SHLD1: variants seen among roughly 807,000 people sequenced by gnomAD.
The protein encoded by SHLD1 is RINN1-REV7-interacting novel NHEJ regulator 3.
SHLD1 carries 3 observed loss-of-function variants against 5.5 expected under a neutral mutation model. The ratio of observed to expected loss-of-function variants is 0.54; its 90% CI spans 0.25 to 1.40. The LOEUF (loss-of-function observed/expected upper bound fraction) is 1.40. Among genes scored for constraint, SHLD1 ranks in the 40% most tolerant of loss-of-function variants. SHLD1 has a pLI of 0.15. For missense variants in SHLD1, 210 were observed against 244.4 expected (o/e 0.86, Z 0.94); for synonymous variants, 92 against 94.3 (o/e 0.98, Z 0.14).
chr20:5,863,491 A>C lies in SHLD1; in HGVS notation c.*28A>C, dbSNP rs1279522292. ...GGTGCCGGGCAGTGTGCAGGGTAGTAATGGAGGTGCTGTGCCATGACCAGC... is the reference window on the plus strand; with the variant it reads ...GGTGCCGGGCAGTGTGCAGGGTAGTCATGGAGGTGCTGTGCCATGACCAGC... On this transcript the variant is annotated 3_prime_UTR_variant, in exon 3 of 3. Coordinates refer to ENST00000303142, the MANE Select transcript of SHLD1 (RefSeq NM_152504.4). 1.3e-6 allele frequency: 2 copies of C among 1,563,694 alleles called. No individual in the cohort carries two copies.
rs186435687 is a variant in SHLD1 at position 5,839,883 on chromosome 20, T to C, written c.179-23141T>C. Among the ~76,000 whole-genome samples, 148 of 151,806 alleles carry C rather than the reference T, an allele frequency of 9.7e-4. 3 individuals carry two copies. In the East Asian group the frequency reaches 0.026, roughly 27 times the overall value. ...TGGGAATGGATGTCTCCAGTCACTG[T>C]TTGGTGGAAGAACCTTTTTCAGGTT... On this transcript the variant is annotated intron_variant, in intron 2 of 2. Coordinates refer to ENST00000303142, the MANE Select transcript of SHLD1 (RefSeq NM_152504.4).
chr20:5,836,758 C>T (rs1239331826), intron 2 of SHLD1, among the ~76,000 whole-genome samples: 1 of 152,194 alleles, frequency 6.6e-6, no homozygotes, highest in Non-Finnish European at 1.5e-5. Flanking sequence ...CTCCCCAGAC[C>T]ATAAGCCCTA....
chr20:5,775,653 G>C (rs1985387947), intron 2 of SHLD1, among the ~76,000 whole-genome samples: 1 of 152,196 alleles, frequency 6.6e-6, no homozygotes, highest in East Asian at 1.9e-4. Flanking sequence ...CGGTAGTAGT[G>C]GTGGTCGTGC....
At position 5,777,989 on chromosome 20, in the gene SHLD1, A is replaced by T. The variant is rs115055704; in HGVS notation, c.178+4946A>T. 5.4e-3 allele frequency among the ~76,000 whole-genome samples: 827 copies of T among 151,952 alleles called. 10 individuals are homozygous for T. The highest frequency in any genetic ancestry group is 0.019 in the African/African-American group (783 of 41,486). ...CACTCTGCAATTCTGTAGTACTTTT[A>T]TATGTTTTGCCACAATACCCACTAG... On this transcript the variant is annotated intron_variant, in intron 2 of 2. Coordinates refer to ENST00000303142, the MANE Select transcript of SHLD1 (RefSeq NM_152504.4).
chr20:5,764,173 TA>T (rs1466681528), intron 1 of SHLD1, among the ~76,000 whole-genome samples: 52 of 84,488 alleles, frequency 6.2e-4, no homozygotes, highest in African/African-American at 2.0e-3. Context: ...TATATATATA[TA>T]TTTTTATATA....
chr20:5,767,151 TTG>T (rs1181991058), intron 1 of SHLD1, among the ~76,000 whole-genome samples: 2 of 148,534 alleles, frequency 1.3e-5, no homozygotes, highest in Non-Finnish European at 3.0e-5. Context: ...TCTTTTCTTT[TTG>T]AGACAGAGTC....
At chr20:5,772,574 G>C (rs1985224768) in intron 1 of SHLD1, among the ~76,000 whole-genome samples, 1 of 152,120 alleles carries the variant, frequency 6.6e-6, no homozygotes, top group Non-Finnish European at 1.5e-5. Context: ...CGCACATAAG[G>C]GGGGACTACT....
intron 2 of SHLD1, among the ~76,000 whole-genome samples, chr20:5,788,558 T>C (rs536033493): frequency 6.6e-6 from 1 of 152,358 alleles, no homozygotes; most frequent in South Asian, 2.1e-4. Context: ...TGGTGGCTAC[T>C]TGTTACACTT....
chr20:5,755,806 A>G (rs964032350), intron 1 of SHLD1, among the ~76,000 whole-genome samples: 5 of 151,926 alleles, frequency 3.3e-5, no homozygotes, highest in African/African-American at 7.3e-5. Flanking sequence ...TGATCCGCCC[A>G]CCTCGGCTTC....
intron 2 of SHLD1, among the ~76,000 whole-genome samples, chr20:5,847,639 T>A (rs918516864): frequency 2.0e-5 from 3 of 152,098 alleles, no homozygotes; most frequent in Non-Finnish European, 2.9e-5. Flanking sequence ...GAAACACAAG[T>A]GGCCCCTAAC....
At chr20:5,776,850 G>T (rs759611017) in intron 2 of SHLD1, among the ~76,000 whole-genome samples, 31 of 152,108 alleles carry the variant, frequency 2.0e-4, no homozygotes, top group Middle Eastern at 3.2e-3. Flanking sequence ...GGCTCTGGGT[G>T]TGATAATTGC....
chr20:5,856,329 C>T (rs1039817482), intron 2 of SHLD1, among the ~76,000 whole-genome samples: 1 of 152,200 alleles, frequency 6.6e-6, no homozygotes, highest in African/African-American at 2.4e-5. Context: ...GGCAGTGAAA[C>T]AGACAGAGTG....
intron 2 of SHLD1, among the ~76,000 whole-genome samples, chr20:5,852,141 A>G (rs2088019054): frequency 6.6e-6 from 1 of 152,212 alleles, no homozygotes; most frequent in African/African-American, 2.4e-5. Context: ...TACAGCCTGC[A>G]GAACTATGAG....
At chr20:5,750,217 A>G (rs1983645492), upstream of SHLD1, among the ~76,000 whole-genome samples, 1 of 151,998 alleles carries the variant, frequency 6.6e-6, no homozygotes, top group South Asian at 2.1e-4. Flanking sequence ...ATTTATCGAC[A>G]AGCCTCCTCA....
At chr20:5,862,289 C>G (rs2088173464) in intron 2 of SHLD1, among the ~76,000 whole-genome samples, 1 of 152,338 alleles carries the variant, frequency 6.6e-6, no homozygotes, top group Non-Finnish European at 1.5e-5. Flanking sequence ...GTGGGTCCCC[C>G]ACCAGGTGAC....
At chr20:5,820,165 T>C (rs937450194) in intron 2 of SHLD1, among the ~76,000 whole-genome samples, 3 of 152,110 alleles carry the variant, frequency 2.0e-5, no homozygotes, top group Non-Finnish European at 2.9e-5. Flanking sequence ...TTGTCCAGGC[T>C]TGTCTCCTGA....
chr20:5,849,668 T>A (rs894908147), intron 2 of SHLD1, among the ~76,000 whole-genome samples: 1 of 152,150 alleles, frequency 6.6e-6, no homozygotes, highest in African/African-American at 2.4e-5. Flanking sequence ...CCATTAATAA[T>A]TCATTGAGGG....
chr20:5,803,436 T>TG (rs1328256528), intron 2 of SHLD1, among the ~76,000 whole-genome samples: 5 of 152,134 alleles, frequency 3.3e-5, no homozygotes, highest in African/African-American at 1.2e-4. Flanking sequence ...CCCAAAGCAT[T>TG]GGGATTATAG....
intron 2 of SHLD1, among the ~76,000 whole-genome samples, chr20:5,780,982 G>A (rs946177289): frequency 5.3e-5 from 8 of 152,144 alleles, no homozygotes; most frequent in African/African-American, 1.9e-4. Context: ...AAACTACTGG[G>A]CTGATAAGAA....
Sources: gnomAD v4.1 joint callset for allele counts (sites outside exome capture counted in the v4.1 genomes callset) on GRCh38, gnomAD v4.1.1 for gene constraint, MANE v1.5 for transcripts, NCBI Gene and HGNC (gene_info 2026-07-23, HGNC 2026-07-21) for gene names.